Variants in PCDH9 observed in about 807,000 individuals in gnomAD.
The protein encoded by PCDH9 is protocadherin 9.
In PCDH9, 24 loss-of-function variants were observed where a neutral mutation model predicts 70.6. That is an observed-to-expected ratio of 0.34 (90% CI 0.25 to 0.48). The LOEUF is 0.48. Ranked by LOEUF, PCDH9 falls within the 20% of genes least tolerant of loss-of-function variation. PCDH9 has a pLI of 0.99. For synonymous variants in PCDH9, 562 were observed against 558.5 expected (o/e 1.01, Z -0.09); for missense variants, 1,281 against 1,503.6 (o/e 0.85, Z 2.45).
intron 4 of PCDH9, among the ~76,000 whole-genome samples, chr13:66,380,673 A>G (rs1196746937): frequency 6.6e-6 from 1 of 151,272 alleles, no homozygotes; most frequent in African/African-American, 2.4e-5. Flanking sequence ...CCTCCTGAGT[A>G]ACTGGGACTA....
intron 4 of PCDH9, among the ~76,000 whole-genome samples, chr13:66,388,768 G>A (rs578075415): frequency 6.6e-6 from 1 of 152,126 alleles, no homozygotes; most frequent in East Asian, 1.9e-4. Flanking sequence ...TAACCAATAT[G>A]TATTTTCACA....
At chr13:66,380,534 T>C (rs12865726) in intron 4 of PCDH9, among the ~76,000 whole-genome samples, 5 of 129,850 alleles carry the variant, frequency 3.9e-5, no homozygotes, top group African/African-American at 1.4e-4. Flanking sequence ...ATAGATCTTG[T>C]CCTTTTTTTT....
At chr13:66,687,849 A>G (rs1317678703) in intron 3 of PCDH9, among the ~76,000 whole-genome samples, 3 of 152,072 alleles carry the variant, frequency 2.0e-5, no homozygotes, top group African/African-American at 7.2e-5. Flanking sequence ...TACCCTCTTC[A>G]AGAGATCTTG....
chr13:66,654,555 A>G (rs976958741), intron 3 of PCDH9, among the ~76,000 whole-genome samples: 1 of 152,208 alleles, frequency 6.6e-6, no homozygotes, highest in Non-Finnish European at 1.5e-5. Context: ...TAAGCATTGT[A>G]TACCTGTATC....
At chr13:66,835,751 A>G (rs567640367) in intron 3 of PCDH9, among the ~76,000 whole-genome samples, 1 of 152,322 alleles carries the variant, frequency 6.6e-6, no homozygotes, top group South Asian at 2.1e-4. Flanking sequence ...AAAGTATTAG[A>G]AGACTGTTAT....
In PCDH9 at chr13:67,097,800, A is replaced by G. The variant is rs1256911323; in HGVS notation, c.3036+127605T>C. ...CTGATGAAAACAAGAAAAACCAATG[A>G]AGAGCCAAGATGCCTACTGTTGTGG... On this transcript the variant is annotated intron_variant, in intron 2 of 4. Transcript: ENST00000377865. Among the ~76,000 whole-genome samples, 5 of 152,200 alleles carry G rather than the reference A, an allele frequency of 3.3e-5. No individual in the cohort carries two copies. In the East Asian group the frequency reaches 9.6e-4, roughly 29 times the overall value.
chr13:66,320,048 C>T (rs556738138), intron 4 of PCDH9, among the ~76,000 whole-genome samples: 4 of 152,058 alleles, frequency 2.6e-5, no homozygotes, highest in Admixed American at 2.6e-4. Flanking sequence ...TTAAAGTATC[C>T]TTGTGAGTTG....
At position 66,319,006 on chromosome 13, in the gene PCDH9, AG is replaced by A. The variant is rs530669420; in HGVS notation, c.3341-13979del. Among the ~76,000 whole-genome samples, 15 of 152,292 alleles carry A rather than the reference AG, an allele frequency of 9.8e-5. No homozygotes were observed. The East Asian group carries it at 2.5e-3, about 25-fold the overall frequency. On this transcript the variant is annotated intron_variant, in intron 4 of 4. Transcript: ENST00000377865. ...TTAGTCTGTTTTCACACTGATATAAAGAACTGCCCGAGACTGGGTAATTTAT... is the reference window on the plus strand; with the variant it reads ...TTAGTCTGTTTTCACACTGATATAAAAACTGCCCGAGACTGGGTAATTTAT...
At chr13:66,813,091 G>A (rs2139365137) in intron 3 of PCDH9, among the ~76,000 whole-genome samples, 1 of 152,282 alleles carries the variant, frequency 6.6e-6, no homozygotes, top group East Asian at 1.9e-4. Context: ...CCTGACAGGA[G>A]CATTAGGAAT....
At chr13:67,149,247 T>C (rs1447229479) in intron 2 of PCDH9, among the ~76,000 whole-genome samples, 1 of 152,220 alleles carries the variant, frequency 6.6e-6, no homozygotes, top group African/African-American at 2.4e-5. Context: ...TGAAAACAGG[T>C]AGCATAATAT....
At chr13:66,715,711 T>C (rs2139140131) in intron 3 of PCDH9, among the ~76,000 whole-genome samples, 1 of 152,286 alleles carries the variant, frequency 6.6e-6, no homozygotes, top group South Asian at 2.1e-4. Context: ...CTGATTCCAC[T>C]GAGTAAAAGA....
chr13:66,307,506 G>A (rs1955488187), intron 4 of PCDH9, among the ~76,000 whole-genome samples: 2 of 151,960 alleles, frequency 1.3e-5, no homozygotes, highest in African/African-American at 4.8e-5. Context: ...GCTTATAAAT[G>A]AATAATTTAA....
At chr13:67,207,565 C>G (rs1306039869) in intron 2 of PCDH9, 1 of 152,152 alleles carries the variant, frequency 6.6e-6, no homozygotes, top group East Asian at 1.9e-4. Flanking sequence ...CATCTACTTT[C>G]AAGGCATTGC....
At chr13:66,846,687 G>C (rs918263365) in intron 3 of PCDH9, among the ~76,000 whole-genome samples, 1 of 151,954 alleles carries the variant, frequency 6.6e-6, no homozygotes, top group Non-Finnish European at 1.5e-5. Flanking sequence ...TTTGTATCAG[G>C]TGAATATCCA....
chr13:67,118,450 G>T (rs1383558906), intron 2 of PCDH9, among the ~76,000 whole-genome samples: 1 of 152,102 alleles, frequency 6.6e-6, no homozygotes, highest in East Asian at 1.9e-4. Flanking sequence ...TAAAAACTGT[G>T]AAATGCATAA....
At chr13:66,942,448 A>C (rs1212192345) in intron 2 of PCDH9, among the ~76,000 whole-genome samples, 4 of 152,090 alleles carry the variant, frequency 2.6e-5, no homozygotes, top group Non-Finnish European at 5.9e-5. Flanking sequence ...ATGTTGATCA[A>C]GAAAAAAACA....
At chr13:66,911,712 G>C (rs571784703) in intron 2 of PCDH9, among the ~76,000 whole-genome samples, 1 of 152,196 alleles carries the variant, frequency 6.6e-6, no homozygotes, top group Admixed American at 6.5e-5. Context: ...GCATTGAAAG[G>C]TTTTAAATTA....
intron 3 of PCDH9, among the ~76,000 whole-genome samples, chr13:66,708,222 T>C (rs1200578923): frequency 6.6e-6 from 1 of 151,240 alleles, no homozygotes; most frequent in Non-Finnish European, 1.5e-5. Context: ...GCTAATTTTT[T>C]GTATTTTTAG....
chr13:66,503,509 CT>C (rs1959188111), intron 4 of PCDH9, among the ~76,000 whole-genome samples: 1 of 152,064 alleles, frequency 6.6e-6, no homozygotes, highest in Admixed American at 6.6e-5. Flanking sequence ...ATTTTTTCTT[CT>C]TTTAATGACA....
Sources: allele counts gnomAD v4.1 joint callset (sites outside exome capture counted in the v4.1 genomes callset), GRCh38; gene constraint gnomAD v4.1.1; transcripts MANE v1.5; gene names NCBI Gene and HGNC (gene_info 2026-07-23, HGNC 2026-07-21).